The following TRAIP variants were observed in gnomAD, a reference collection of about 807,000 sequenced individuals.
TRAIP encodes the protein TRAF interacting protein.
In TRAIP, 37 loss-of-function variants were observed where a neutral mutation model predicts 65.0. That is an observed-to-expected ratio of 0.57 (90% CI 0.44 to 0.75). TRAIP has a LOEUF of 0.75. TRAIP is among the 30% of genes least tolerant of loss of function. The pLI is 0.00. For missense variants in TRAIP, 481 were observed against 579.4 expected, an observed-to-expected ratio of 0.83 and a Z score of 1.74; for synonymous variants, 187 against 219.1, an observed-to-expected ratio of 0.85 and a Z score of 1.29.
intron 5 of TRAIP, chr3:49,843,514 AC>A (rs2081856063): frequency 6.3e-6 from 2 of 318,368 alleles, no homozygotes; most frequent in African/African-American, 4.1e-5. Context: ...GCCCAGCCTC[AC>A]TGAGGTCTTA....
chr3:49,856,530 C>G lies in TRAIP; in HGVS notation c.-77G>C. On this transcript the variant is annotated 5_prime_UTR_variant, in exon 1 of 15. Transcript: ENST00000331456. ...GCTTCGTAGACGCGCCCCCGCGCCT[C>G]CGCTTGCTTCAAATTTGGCTCCGCA... 7.3e-7 allele frequency: 1 copy of G among 1,361,718 alleles called. No individual in the cohort carries two copies. The highest frequency in any genetic ancestry group is 2.5e-5 in the East Asian group (1 of 40,588). The allele number at this position is 1,361,718 out of a possible 1,614,324, so 84.4% of individuals were successfully genotyped here.
intron 8 of TRAIP, 88 bp from the exon 9 acceptor site, chr3:49,840,461 G>A: frequency 5.3e-6 from 6 of 1,135,264 alleles, no homozygotes; most frequent in Non-Finnish European, 8.0e-6. Context: ...AGTGATCAAG[G>A]TAGCCCAGAA....
intron 1 of TRAIP, among the ~76,000 whole-genome samples, chr3:49,851,201 T>A (rs930551703): frequency 6.6e-6 from 1 of 152,126 alleles, no homozygotes; most frequent in East Asian, 1.9e-4. Context: ...CTAGAACTTC[T>A]GGGCTCAAGC....
At chr3:49,847,648 G>T in intron 2 of TRAIP, 40 bp from the exon 3 acceptor site, 1 of 1,455,096 alleles carries the variant, frequency 6.9e-7, no homozygotes, top group Non-Finnish European at 9.6e-7. Flanking sequence ...TTGTGTAGCT[G>T]GGTCATGCGC....
rs187597013 is a variant in TRAIP, at chr3:49,836,348, T to C, written c.884+3424A>G. ...TCTACTAAAAATACAAAAAACTAGC[T>C]GGGCATGGTGGTGCGTGCCTATAAT... is the stretch of plus-strand genomic sequence containing the variant. On this transcript the variant is annotated intron_variant, in intron 10 of 14. Transcript: ENST00000331456. 2.6e-5 allele frequency among the ~76,000 whole-genome samples: 4 copies of C among 151,770 alleles called. No individual in the cohort carries two copies. The East Asian group carries it at 7.8e-4, about 30-fold the overall frequency.
intron 10 of TRAIP, among the ~76,000 whole-genome samples, chr3:49,834,586 T>C (rs571906152): frequency 2.7e-4 from 41 of 152,316 alleles, no homozygotes; most frequent in Admixed American, 2.2e-3. Context: ...AGAGCTTTTC[T>C]CAAAGACACT....
chr3:49,848,448 T>C (rs1226114236), intron 1 of TRAIP, among the ~76,000 whole-genome samples: 1 of 152,166 alleles, frequency 6.6e-6, no homozygotes, highest in African/African-American at 2.4e-5. Context: ...TTAGGCAACA[T>C]TCTGGGCTTT....
chr3:49,844,146 A>C (rs780744483), intron 4 of TRAIP: 45 of 616,610 alleles, frequency 7.3e-5, no homozygotes, highest in Middle Eastern at 4.4e-4. Flanking sequence ...CTGCTGCTTG[A>C]ACTACTTAGG....
intron 11 of TRAIP, among the ~76,000 whole-genome samples, chr3:49,831,050 A>G (rs1365686584): frequency 2.6e-5 from 4 of 152,176 alleles, no homozygotes; most frequent in African/African-American, 9.7e-5. Flanking sequence ...CAGAGTACAC[A>G]GCAGACACTG....
Position 49,832,080 on chromosome 3 carries a change from G to C in TRAIP, c.885-12C>G, listed in dbSNP as rs768806567. ...CCACAGGGGCTGGGCTGAAGGCAGA[G>C]ATGACCTGGTTACTTGGGGCCACAG... On this transcript the variant is annotated splice_polypyrimidine_tract_variant and intron_variant, in intron 10 of 14. Transcript: ENST00000331456. The C allele has an allele frequency of 3.6e-5, 57 of 1,569,522 alleles. No individual in the cohort carries two copies. The highest frequency in any genetic ancestry group is 4.8e-5 in the Non-Finnish European group (55 of 1,157,162).
chr3:49,856,446 A>C lies in TRAIP; in HGVS notation c.8T>G (p.Ile3Ser). ...GGAGCAGATAGTGCACAGAGCACGG[A>C]TAGGCATGATGGCTGGACTCAAGGG... is the stretch of plus-strand genomic sequence containing the variant. MP[I>S]RALCTICSDF... The change falls in exon 1 of 15, where the codon ATC becomes AGC. Residue 3 changes from isoleucine (I) to serine (S), a missense_variant. Transcript: ENST00000331456. 1 of 1,613,868 alleles carries C rather than the reference A, an allele frequency of 6.2e-7. No homozygotes were observed. Among genetic ancestry groups the C allele is most frequent in the Non-Finnish European group, 8.5e-7 (1 of 1,179,870 alleles).
intron 11 of TRAIP, among the ~76,000 whole-genome samples, chr3:49,831,443 A>T (rs7649428): frequency 0.18 from 26,653 of 152,274 alleles, 2,627 homozygotes; most frequent in Middle Eastern, 0.24. Context: ...GCCCCACTGG[A>T]ATTCCAGACA....
chr3:49,853,523 T>A (rs2081950561), intron 1 of TRAIP, among the ~76,000 whole-genome samples: 1 of 152,120 alleles, frequency 6.6e-6, no homozygotes, highest in African/African-American at 2.4e-5. Context: ...GAAGTGGCTA[T>A]ACTAATAGCA....
At chr3:49,832,680 G>A (rs1341652096) in intron 10 of TRAIP, among the ~76,000 whole-genome samples, 1 of 102,168 alleles carries the variant, frequency 9.8e-6, no homozygotes, top group Non-Finnish European at 1.8e-5. Flanking sequence ...CTCAATGAGT[G>A]TGTTTTTACT....
chr3:49,850,970 CT>C (rs1244136943), intron 1 of TRAIP, among the ~76,000 whole-genome samples: 373 of 141,424 alleles, frequency 2.6e-3, no homozygotes, highest in Middle Eastern at 7.3e-3. Context: ...TTCCTGTTTT[CT>C]TTTTTTTTTT....
At chr3:49,854,042 T>C (rs776551745) in intron 1 of TRAIP, among the ~76,000 whole-genome samples, 14 of 151,656 alleles carry the variant, frequency 9.2e-5, no homozygotes, top group Non-Finnish European at 2.1e-4. Flanking sequence ...AAACATACAA[T>C]TGGCCGGTCG....
intron 4 of TRAIP, 66 bp downstream of exon 4, chr3:49,844,475 A>AG: frequency 6.3e-7 from 1 of 1,578,300 alleles, no homozygotes; most frequent in South Asian, 1.1e-5. Flanking sequence ...CCTTCCTCCT[A>AG]GGGCCCCCTT....
chr3:49,846,978 C>T (rs1239213953), intron 3 of TRAIP, among the ~76,000 whole-genome samples: 2 of 151,946 alleles, frequency 1.3e-5, no homozygotes, highest in Admixed American at 6.6e-5. Context: ...GTCAGGAGTT[C>T]GAGACCAGCC....
chr3:49,853,014 C>T (rs976827194), intron 1 of TRAIP, among the ~76,000 whole-genome samples: 5 of 150,774 alleles, frequency 3.3e-5, no homozygotes, highest in African/African-American at 7.3e-5. Flanking sequence ...CCCAGCTACT[C>T]GGGAGGCTGA....
Sources: gnomAD v4.1 joint callset for allele counts (sites outside exome capture counted in the v4.1 genomes callset) on GRCh38, gnomAD v4.1.1 for gene constraint, MANE v1.5 for transcripts, NCBI Gene and HGNC (gene_info 2026-07-23, HGNC 2026-07-21) for gene names.